PCP4L1: variants seen among roughly 807,000 people sequenced by gnomAD.
PCP4L1 encodes Purkinje cell protein 4 like 1, also known as Purkinje cell protein 4-like protein 1.
A neutral mutation model predicts 9.6 loss-of-function variants in PCP4L1; 9 were observed. That is an observed-to-expected ratio of 0.94 (90% confidence interval 0.57 to 1.64). The LOEUF is 1.64. PCP4L1 is among the 40% of genes most tolerant of loss of function. The probability of loss-of-function intolerance (pLI) is 0.00; values close to 1 mark genes in which losing one functional copy is unlikely to be tolerated. For missense variants in PCP4L1, 81 were observed against 80.8 expected (o/e 1.00, Z -0.01); for synonymous variants, 31 against 28.2 (o/e 1.10, Z -0.31).
Position 161,284,415 on chromosome 1 carries a change from G to A in PCP4L1, c.141G>A (p.Lys47=). The A allele has an allele frequency of 6.2e-7, 1 of 1,613,994 alleles. No homozygotes were observed. Among genetic ancestry groups the A allele is most frequent in the Non-Finnish European group, 8.5e-7 (1 of 1,179,878 alleles). ...ATCTGACAGCACCAGAAACAGAGAA[G>A]GCTGCCCTTGCTATTCAGGGCAAGT... The part of the protein sequence containing the change: ...DIDLTAPETE[K]AALAIQGKFR... Residue 47 remains lysine, a synonymous_variant, in exon 3 of 3, where the codon AAG becomes AAA. Coordinates refer to ENST00000504449, the MANE Select transcript of PCP4L1 (RefSeq NM_001102566.2).
At position 161,284,589 on chromosome 1, in the gene PCP4L1, G is replaced by A; in HGVS notation, c.*108G>A. ...TCCCTCTAGCCTTTCCTTGAGGCAA[G>A]TTCAACCTTTATATACTCTTGTATC... On this transcript the variant is annotated 3_prime_UTR_variant, in exon 3 of 3. Coordinates refer to ENST00000504449, the MANE Select transcript of PCP4L1 (RefSeq NM_001102566.2). 1 of 1,435,386 alleles carries A rather than the reference G, an allele frequency of 7.0e-7. No homozygotes were observed. The highest frequency in any genetic ancestry group is 1.4e-5 in the African/African-American group (1 of 69,954). The allele number at this position is 1,435,386 out of a possible 1,614,324, so 88.9% of individuals were successfully genotyped here.
At chr1:161,275,301 G>A (rs1669680259) in intron 1 of PCP4L1, among the ~76,000 whole-genome samples, 1 of 152,040 alleles carries the variant, frequency 6.6e-6, no homozygotes, top group Non-Finnish European at 1.5e-5. Context: ...CGGATCACGA[G>A]GTCAGGAGAT....
At chr1:161,261,456 C>T (rs1669414976) in intron 1 of PCP4L1, among the ~76,000 whole-genome samples, 1 of 152,152 alleles carries the variant, frequency 6.6e-6, no homozygotes, top group African/African-American at 2.4e-5. Flanking sequence ...GACTCATCTC[C>T]AATTTGTCTG....
At chr1:161,276,411 G>A (rs374530339) in intron 1 of PCP4L1, among the ~76,000 whole-genome samples, 2 of 152,138 alleles carry the variant, frequency 1.3e-5, no homozygotes, top group Non-Finnish European at 1.5e-5. Flanking sequence ...GGCCTGGCGT[G>A]GTGGCTTGTG....
rs1489162408 is a variant in PCP4L1, at chr1:161,285,220, G to A, written c.*739G>A. 1 of 152,296 alleles carries A rather than the reference G, an allele frequency of 6.6e-6. No individual in the cohort carries two copies. Among genetic ancestry groups the A allele is most frequent in the Non-Finnish European group, 1.5e-5 (1 of 68,106 alleles). The allele number at this position is 152,296 out of a possible 1,614,324, so 9.4% of individuals were successfully genotyped here. ...GGGGAAATCTCTGAATTTTTTTACT[G>A]CTGGGAAAAGTGTACTACATGAAGG... is the stretch of plus-strand genomic sequence containing the variant. On this transcript the variant is annotated 3_prime_UTR_variant, in exon 3 of 3. Coordinates refer to ENST00000504449, the MANE Select transcript of PCP4L1 (RefSeq NM_001102566.2).
intron 1 of PCP4L1, among the ~76,000 whole-genome samples, chr1:161,263,494 T>C (rs1669454948): frequency 1.3e-5 from 2 of 151,964 alleles, no homozygotes; most frequent in African/African-American, 4.8e-5. Flanking sequence ...CCACCTCGGC[T>C]CCCAAAGTGC....
intron 1 of PCP4L1, among the ~76,000 whole-genome samples, chr1:161,271,093 T>C (rs35623108): frequency 0.049 from 7,532 of 152,316 alleles, 252 homozygotes; most frequent in Non-Finnish European, 0.072. Flanking sequence ...GATAAATAAC[T>C]AGCAATAGGA....
In PCP4L1 at chr1:161,284,402, C is replaced by T. The variant is rs1235166628; in HGVS notation, c.128C>T (p.Pro43Leu). The T allele has an allele frequency of 6.2e-7, 1 of 1,613,802 alleles. No individual in the cohort carries two copies. The highest frequency in any genetic ancestry group is 1.3e-5 in the African/African-American group (1 of 74,884). Residue 43 changes from proline (P) to leucine (L), a missense_variant, in exon 3 of 3, where the codon CCA becomes CTA. Pro to Leu is a moderately conservative substitution (Grantham distance 98). Transcript: ENST00000504449. The part of the protein sequence containing the change: ...EEEIDIDLTA[P>L]ETEKAALAIQ... ...GAGATTGACATTGATCTGACAGCAC[C>T]AGAAACAGAGAAGGCTGCCCTTGCT...
chr1:161,258,912 C>T lies in PCP4L1; in HGVS notation c.-63C>T. Reference sequence around the variant, plus strand: ...CAACTTTCAGCTGTCGCCCGCGGAGCCCCGAGGGCCACTCGCCTCACCTGT... The same window carrying T: ...CAACTTTCAGCTGTCGCCCGCGGAGTCCCGAGGGCCACTCGCCTCACCTGT... On this transcript the variant is annotated 5_prime_UTR_variant, in exon 1 of 3. Transcript: ENST00000504449. The T allele has an allele frequency of 1.3e-6, 2 of 1,534,784 alleles. No individual in the cohort carries two copies. The highest frequency in any genetic ancestry group is 1.7e-6 in the Non-Finnish European group (2 of 1,146,090).
chr1:161,273,759 G>A (rs1467140170), intron 1 of PCP4L1, among the ~76,000 whole-genome samples: 1 of 152,192 alleles, frequency 6.6e-6, no homozygotes, highest in Non-Finnish European at 1.5e-5. Context: ...TGAGTGATAG[G>A]CGTGGTCTGG....
intron 1 of PCP4L1, among the ~76,000 whole-genome samples, chr1:161,266,014 A>G (rs1342247946): frequency 6.6e-6 from 1 of 152,094 alleles, no homozygotes; most frequent in East Asian, 1.9e-4. Flanking sequence ...TGCTGGGATT[A>G]TGGGTGTGAG....
intron 1 of PCP4L1, among the ~76,000 whole-genome samples, chr1:161,276,725 A>ATG (rs10623211): frequency 0.43 from 62,540 of 146,328 alleles, 13,694 homozygotes; most frequent in East Asian, 0.64. Context: ...GTATATATAT[A>ATG]TGTGTGTGTG....
At chr1:161,263,503 G>C (rs1669455154) in intron 1 of PCP4L1, among the ~76,000 whole-genome samples, 1 of 151,998 alleles carries the variant, frequency 6.6e-6, no homozygotes, top group African/African-American at 2.4e-5. Context: ...CTCCCAAAGT[G>C]CTGGGATTAC....
chr1:161,269,954 G>A (rs191236844), intron 1 of PCP4L1, among the ~76,000 whole-genome samples: 1 of 149,188 alleles, frequency 6.7e-6, no homozygotes, highest in Admixed American at 6.7e-5. Flanking sequence ...AGCTGAGATT[G>A]TACCATTGCA....
At chr1:161,277,864 C>T (rs1040071186) in intron 1 of PCP4L1, among the ~76,000 whole-genome samples, 1 of 152,186 alleles carries the variant, frequency 6.6e-6, no homozygotes, top group East Asian at 1.9e-4. Flanking sequence ...AACTGTCTTT[C>T]GTGTTTCATT....
At chr1:161,282,011 G>A (rs1264210245) in intron 1 of PCP4L1, among the ~76,000 whole-genome samples, 3 of 152,152 alleles carry the variant, frequency 2.0e-5, no homozygotes, top group South Asian at 4.1e-4. Context: ...CTGCAATCTC[G>A]GCACTTTGGG....
Position 161,268,206 on chromosome 1 carries a change from T to C in PCP4L1, c.9+9223T>C, listed in dbSNP as rs182121197. Among the ~76,000 whole-genome samples, 14 of 149,806 alleles carry C rather than the reference T, an allele frequency of 9.3e-5. No homozygotes were observed. In the East Asian group the frequency reaches 2.8e-3, roughly 30 times the overall value. On this transcript the variant is annotated intron_variant, in intron 1 of 2. Coordinates refer to ENST00000504449, the MANE Select transcript of PCP4L1 (RefSeq NM_001102566.2). ...GGTTTAGAGCCATTCTCAGCACTTT[T>C]GGGGACAGACATTGGGAAGACAGGG...
At chr1:161,281,259 C>T (rs1400522727) in intron 1 of PCP4L1, among the ~76,000 whole-genome samples, 1 of 152,098 alleles carries the variant, frequency 6.6e-6, no homozygotes, top group Non-Finnish European at 1.5e-5. Context: ...ACAGACACAG[C>T]AACCATCCGA....
chr1:161,267,790 G>A (rs940736737), intron 1 of PCP4L1, among the ~76,000 whole-genome samples: 7 of 152,200 alleles, frequency 4.6e-5, no homozygotes, highest in African/African-American at 1.4e-4. Flanking sequence ...TTGGCTCACC[G>A]TGACCTCTGC....
Sources: allele counts gnomAD v4.1 joint callset (sites outside exome capture counted in the v4.1 genomes callset), GRCh38; gene constraint gnomAD v4.1.1; transcripts MANE v1.5; gene names NCBI Gene and HGNC (gene_info 2026-07-23, HGNC 2026-07-21).